The following ATP6V0E2 variants were observed in gnomAD, a reference collection of about 807,000 sequenced individuals.
ATP6V0E2 encodes the protein V-type proton ATPase subunit e 2.
ATP6V0E2 carries 4 observed loss-of-function variants against 11.5 expected under a neutral mutation model. The observed-to-expected ratio is 0.35, with a 90% confidence interval of 0.17 to 0.80. The LOEUF (loss-of-function observed/expected upper bound fraction) is 0.80, where lower values mean the gene tolerates loss of function less well. Ranked by LOEUF, ATP6V0E2 falls within the 30% of genes least tolerant of loss-of-function variation. The probability of loss-of-function intolerance (pLI) is 0.53; values close to 1 mark genes in which losing one functional copy is unlikely to be tolerated. For synonymous variants in ATP6V0E2, 52 were observed against 51.0 expected, an observed-to-expected ratio of 1.02 and a Z score of -0.09; for missense variants, 93 against 113.5, an observed-to-expected ratio of 0.82 and a Z score of 0.82.
rs1438502796 is a variant in ATP6V0E2 at position 149,873,993 on chromosome 7, C to T, written c.-73C>T. 6 of 1,545,046 alleles carry T rather than the reference C, an allele frequency of 3.9e-6. No homozygotes were observed. Among genetic ancestry groups the T allele is most frequent in the Non-Finnish European group, 5.2e-6 (6 of 1,145,600 alleles). On this transcript the variant is annotated 5_prime_UTR_variant, in exon 1 of 4. Coordinates refer to ENST00000425642, the MANE Select transcript of ATP6V0E2 (RefSeq NM_145230.4). Reference sequence around the variant, plus strand: ...TGTTGCGCATGCTCAGCGCGCTGCCCGGCTGGGGACCCGCGCACCTGCAGC... The same window carrying T: ...TGTTGCGCATGCTCAGCGCGCTGCCTGGCTGGGGACCCGCGCACCTGCAGC...
rs371759480 is a variant in ATP6V0E2, at chr7:149,879,327, C to A, written c.*20-8C>A. The A allele has an allele frequency of 1.5e-5, 23 of 1,523,132 alleles. No individual in the cohort carries two copies. In the African/African-American group the frequency reaches 2.2e-4, roughly 15 times the overall value. The allele number at this position is 1,523,132 out of a possible 1,614,324, so 94.4% of individuals were successfully genotyped here. On this transcript the variant is annotated splice_region_variant and splice_polypyrimidine_tract_variant and intron_variant, in intron 3 of 3. Coordinates refer to ENST00000425642, the MANE Select transcript of ATP6V0E2 (RefSeq NM_145230.4). Reference sequence around the variant, plus strand: ...GGCCGGGACCCTTCCATGTGATGTGCTTTTCAGGTGCCCAGCTCTCGGAAT... The same window carrying A: ...GGCCGGGACCCTTCCATGTGATGTGATTTTCAGGTGCCCAGCTCTCGGAAT...
chr7:149,878,808 G>A lies in ATP6V0E2; in HGVS notation c.*19+18G>A, dbSNP rs1244609240. 3 of 1,608,150 alleles carry A rather than the reference G, an allele frequency of 1.9e-6. No homozygotes were observed. Among genetic ancestry groups the A allele is most frequent in the East Asian group, 4.5e-5 (2 of 44,730 alleles). On this transcript the variant is annotated intron_variant, in intron 3 of 3. Transcript: ENST00000425642. ...CGACCCAGGTACTGTGTGGGCGAGG[G>A]GTGTGGGTGGGGAAGAGGGGAAAGA...
chr7:149,873,662 C>A (rs1802953449), upstream of ATP6V0E2: 1 of 391,530 alleles, frequency 2.6e-6, no homozygotes, highest in Admixed American at 4.7e-5. Context: ...GCCGGCGCGG[C>A]GCGTGAAGGG....
chr7:149,873,176 T>C (rs1305932284), upstream of ATP6V0E2: 1 of 152,276 alleles, frequency 6.6e-6, no homozygotes, highest in African/African-American at 2.4e-5. Context: ...CATTTAATCC[T>C]CCAGCAACCT....
chr7:149,879,247 C>T, intron 3 of ATP6V0E2, 88 bp from the exon 4 acceptor site: 3 of 1,414,696 alleles, frequency 2.1e-6, no homozygotes, highest in Non-Finnish European at 2.8e-6. Context: ...ACTATCTGGG[C>T]AGGGGTGAGG....
chr7:149,879,132 A>G (rs1287545529), intron 3 of ATP6V0E2: 4 of 1,397,378 alleles, frequency 2.9e-6, no homozygotes, highest in Non-Finnish European at 3.7e-6. Flanking sequence ...AATGGGAACC[A>G]TGCTCCCAGC....
At position 149,878,073 on chromosome 7, in the gene ATP6V0E2, A is replaced by G. The variant is rs114436239; in HGVS notation, c.153-605A>G. ...GACAGAGCGTGGGGACCTACTAACT[A>G]CTGTGGCAAATGAAGTTGGGAGCTT... On this transcript the variant is annotated intron_variant, in intron 2 of 3. Coordinates refer to ENST00000425642, the MANE Select transcript of ATP6V0E2 (RefSeq NM_145230.4). Among the ~76,000 whole-genome samples, 1,176 of 152,254 alleles carry G rather than the reference A, an allele frequency of 7.7e-3. 14 individuals carry two copies. Among genetic ancestry groups the G allele is most frequent in the African/African-American group, 0.027 (1,116 of 41,544 alleles).
rs144634757 is a variant in ATP6V0E2, at chr7:149,879,975, G to A, written c.*660G>A. On this transcript the variant is annotated 3_prime_UTR_variant, in exon 4 of 4. Transcript: ENST00000425642. ...GTGTCTCCTCAGAGTATCCTGTTCC[G>A]CCTCCTGCCACCTGGACCTCCCTCA... The A allele has an allele frequency of 1.2e-3, 308 of 260,050 alleles. 3 individuals carry two copies. In the East Asian group the frequency reaches 0.021, roughly 17 times the overall value. 16.1% of individuals were successfully genotyped at this position (260,050 alleles called of 1,614,324 possible).
chr7:149,873,390 C>T (rs1802934966), upstream of ATP6V0E2: 1 of 152,826 alleles, frequency 6.5e-6, no homozygotes, highest in East Asian at 1.9e-4. Flanking sequence ...AACGCGAAGC[C>T]CCCGCCTTCC....
chr7:149,876,475 G>A (rs1803149036), intron 2 of ATP6V0E2, among the ~76,000 whole-genome samples: 1 of 152,208 alleles, frequency 6.6e-6, no homozygotes, highest in Non-Finnish European at 1.5e-5. Flanking sequence ...CCTGGAGAGT[G>A]TGAGGAAATC....
At chr7:149,873,954 G>T (rs1802971859), upstream of ATP6V0E2, 2 of 1,543,654 alleles carry the variant, frequency 1.3e-6, no homozygotes, top group Non-Finnish European at 1.7e-6. Context: ...TGATCGCTTC[G>T]GGTGCTCGAC....
rs1343131577 is a variant in ATP6V0E2, at chr7:149,875,831, C to T, written c.152+186C>T. The stretch of plus-strand genomic sequence containing the variant: ...AGAGCAGTGGGCCAGAAGTCATGAA[C>T]CCTGGGCTCTGGATCTGGCTCTGCC... On this transcript the variant is annotated intron_variant, in intron 2 of 3. Coordinates refer to ENST00000425642, the MANE Select transcript of ATP6V0E2 (RefSeq NM_145230.4). 1.5e-5 allele frequency: 10 copies of T among 685,772 alleles called. No homozygotes were observed. In the East Asian group the frequency reaches 2.2e-4, roughly 15 times the overall value. 42.5% of individuals were successfully genotyped at this position (685,772 alleles called of 1,614,324 possible).
At position 149,879,575 on chromosome 7, in the gene ATP6V0E2, T is replaced by C; in HGVS notation, c.*260T>C. On this transcript the variant is annotated 3_prime_UTR_variant, in exon 4 of 4. Transcript: ENST00000425642. ...TCCTGCTCCAATACCCGCACTGCTC[T>C]GGAGTTTGCCCTCTTTCCCAAGGAG... The C allele has an allele frequency of 6.6e-7, 1 of 1,507,198 alleles. No homozygotes were observed. The highest frequency in any genetic ancestry group is 8.9e-7 in the Non-Finnish European group (1 of 1,126,372). 93.4% of individuals were successfully genotyped at this position (1,507,198 alleles called of 1,614,324 possible). A position where few individuals can be genotyped will look rare whatever the true frequency, so the allele number is the denominator to read the frequency against.
intron 2 of ATP6V0E2, among the ~76,000 whole-genome samples, chr7:149,878,271 A>G (rs1803256804): frequency 6.6e-6 from 1 of 152,174 alleles, no homozygotes; most frequent in Non-Finnish European, 1.5e-5. Context: ...TTCTCTCATA[A>G]GAGGAGGTGA....
chr7:149,879,398 C>A lies in ATP6V0E2; in HGVS notation c.*83C>A. On this transcript the variant is annotated 3_prime_UTR_variant, in exon 4 of 4. Transcript: ENST00000425642. The stretch of plus-strand genomic sequence containing the variant: ...TGACAACCCCTTCGTCCGGACCCTC[C>A]CCCACACAACTATGTCTGGTCACCA... 6.2e-7 allele frequency: 1 copy of A among 1,600,436 alleles called. No individual in the cohort carries two copies. The highest frequency in any genetic ancestry group is 8.5e-7 in the Non-Finnish European group (1 of 1,173,696).
upstream of ATP6V0E2, chr7:149,873,803 G>C: frequency 2.9e-6 from 4 of 1,392,964 alleles, no homozygotes; most frequent in Non-Finnish European, 3.8e-6. Context: ...CGCCGAAACC[G>C]GGCGGCCGCG....
chr7:149,875,876 T>G (rs1436389506), intron 2 of ATP6V0E2: 1 of 683,994 alleles, frequency 1.5e-6, no homozygotes, highest in Non-Finnish European at 2.7e-6. Context: ...CTGGCCCCCA[T>G]GGGCTGTAGT....
chr7:149,875,744 A>G lies in ATP6V0E2; in HGVS notation c.152+99A>G. ...GCTCTTCCTTCTGTCCTGGTAGTAA[A>G]TGCCTCTTGAAAGGCTGAACCTATA... is the stretch of plus-strand genomic sequence containing the variant. On this transcript the variant is annotated intron_variant, in intron 2 of 3. Coordinates refer to ENST00000425642, the MANE Select transcript of ATP6V0E2 (RefSeq NM_145230.4). 4 of 1,228,232 alleles carry G rather than the reference A, an allele frequency of 3.3e-6. No individual in the cohort carries two copies. In the South Asian group the frequency reaches 5.5e-5, roughly 17 times the overall value. The allele number at this position is 1,228,232 out of a possible 1,614,324, so 76.1% of individuals were successfully genotyped here.
rs377601083 is a variant in ATP6V0E2 at position 149,879,609 on chromosome 7, G to A, written c.*294G>A. 1.4e-5 allele frequency: 20 copies of A among 1,476,044 alleles called. No homozygotes were observed. In the South Asian group the frequency reaches 2.2e-4, roughly 16 times the overall value. 91.4% of individuals were successfully genotyped at this position (1,476,044 alleles called of 1,614,324 possible). Reference sequence around the variant, plus strand: ...CCCTCTTTCCCAAGGAGATGCTGCTGGGGAGCTGGTATGGGTGGGGTCTTT... The same window carrying A: ...CCCTCTTTCCCAAGGAGATGCTGCTAGGGAGCTGGTATGGGTGGGGTCTTT... On this transcript the variant is annotated 3_prime_UTR_variant, in exon 4 of 4. Transcript: ENST00000425642.
Sources: gnomAD v4.1 joint callset for allele counts (sites outside exome capture counted in the v4.1 genomes callset) on GRCh38, gnomAD v4.1.1 for gene constraint, MANE v1.5 for transcripts, NCBI Gene and HGNC (gene_info 2026-07-23, HGNC 2026-07-21) for gene names.